Variants in SDK2 observed in about 807,000 individuals in gnomAD.
SDK2 encodes sidekick cell adhesion molecule 2, also known as protein sidekick-2.
SDK2 carries 105 observed loss-of-function variants against 253.9 expected under a neutral mutation model. The observed-to-expected ratio is 0.41, with a 90% CI of 0.35 to 0.49. The LOEUF (loss-of-function observed/expected upper bound fraction) is 0.49. SDK2 is among the 20% of genes least tolerant of loss of function. The pLI is 0.06. For missense variants in SDK2, 2,608 were observed against 3,003.0 expected, an observed-to-expected ratio of 0.87 and a Z score of 3.07; for synonymous variants, 1,249 against 1,234.9, an observed-to-expected ratio of 1.01 and a Z score of -0.24.
intron 1 of SDK2, among the ~76,000 whole-genome samples, chr17:73,635,538 CT>C (rs1384532836): frequency 6.6e-6 from 1 of 152,162 alleles, no homozygotes; most frequent in Non-Finnish European, 1.5e-5. Flanking sequence ...AGAGTCCTGG[CT>C]TTACGAGGCC....
At chr17:73,491,881 T>TG in intron 2 of SDK2, among the ~76,000 whole-genome samples, 1 of 152,162 alleles carries the variant, frequency 6.6e-6, no homozygotes, top group Non-Finnish European at 1.5e-5. Flanking sequence ...GTGTGGGCTT[T>TG]GGGGTAATGG....
chr17:73,465,097 C>T lies in SDK2; in HGVS notation c.331+7015G>A, dbSNP rs1015053964. 5.3e-5 allele frequency among the ~76,000 whole-genome samples: 8 copies of T among 152,080 alleles called. No homozygotes were observed. Among genetic ancestry groups the T allele is most frequent in the African/African-American group, 1.7e-4 (7 of 41,386 alleles). On this transcript the variant is annotated intron_variant, in intron 3 of 44. Transcript: ENST00000392650. This position sits in a 1 kb window ranked among gnomAD's most constrained non-coding sequence, Gnocchi z 4.2. ...ATGTTATCAGGAACTGTCACTTGGC[C>T]CCTAAGCATCCTGCATTCAATACCC...
intron 1 of SDK2, among the ~76,000 whole-genome samples, chr17:73,513,968 G>T (rs1327346193): frequency 6.6e-6 from 1 of 152,190 alleles, no homozygotes; most frequent in African/African-American, 2.4e-5. Flanking sequence ...CTTGAGGGAG[G>T]TCTGGGTGCC....
At chr17:73,441,196 C>G (rs894178727) in intron 5 of SDK2, among the ~76,000 whole-genome samples, 3 of 151,984 alleles carry the variant, frequency 2.0e-5, no homozygotes, top group African/African-American at 4.8e-5. Flanking sequence ...AGCCACACCC[C>G]CCTCTCCCCA....
In SDK2 at chr17:73,447,557, C is replaced by T. The variant is rs7224502; in HGVS notation, c.613+58G>A. ...ATCTTCCCAATGATCCCCTGGAGCA[C>T]CATTGCTAAGATTTAATGGCCCGCT... On this transcript the variant is annotated intron_variant, in intron 5 of 44. Coordinates refer to ENST00000392650, the MANE Select transcript of SDK2 (RefSeq NM_001144952.2). This position sits in a 1 kb window ranked among gnomAD's most constrained non-coding sequence, Gnocchi z 4.0. 0.23 allele frequency: 351,386 copies of T among 1,543,344 alleles called. 42,328 individuals are homozygous for T. Among genetic ancestry groups the T allele is most frequent in the African/African-American group, 0.36 (26,226 of 72,906 alleles).
chr17:73,402,097 C>A lies in SDK2; in HGVS notation c.2529G>T (p.Val843=). 1 of 1,614,036 alleles carries A rather than the reference C, an allele frequency of 6.2e-7. No individual in the cohort carries two copies. Among genetic ancestry groups the A allele is most frequent in the South Asian group, 1.1e-5 (1 of 91,082 alleles). The change falls in exon 19 of 45, where the codon GTG becomes GTT. Residue 843 remains valine, a synonymous_variant. Transcript: ENST00000392650. ...TGTCTTGAAAGTTAGGCCGGGCGGT[C>A]ACCATGGTAACCTCCTCTTCCTGTT... ...EPEQEEEVTM[V]TARPNFQDSI... is the part of the protein sequence containing the mutation.
chr17:73,351,978 C>T (rs761018384), intron 41 of SDK2, among the ~76,000 whole-genome samples: 5 of 151,718 alleles, frequency 3.3e-5, no homozygotes, highest in African/African-American at 9.7e-5. Context: ...GCCCTTTGTG[C>T]GCTCCAAGAC....
Position 73,435,671 on chromosome 17 carries a change from C to T in SDK2, c.1001-27G>A, listed in dbSNP as rs960897337. Reference sequence around the variant, plus strand: ...TGTGGGCAAGACGTGGGCCCACCGTCAACCTGCCTCCTGCCTCCTCTCCGC... The same window carrying T: ...TGTGGGCAAGACGTGGGCCCACCGTTAACCTGCCTCCTGCCTCCTCTCCGC... On this transcript the variant is annotated intron_variant, in intron 8 of 44. Transcript: ENST00000392650. The surrounding 1 kb of genome is among the most constrained non-coding windows in gnomAD (Gnocchi z 5.7). 4.6e-6 allele frequency: 7 copies of T among 1,520,048 alleles called. No homozygotes were observed. The highest frequency in any genetic ancestry group is 6.2e-6 in the Non-Finnish European group (7 of 1,128,994). 94.2% of individuals were successfully genotyped at this position (1,520,048 alleles called of 1,614,324 possible).
intron 33 of SDK2, among the ~76,000 whole-genome samples, chr17:73,382,988 C>T (rs1418706654): frequency 6.6e-6 from 1 of 152,190 alleles, no homozygotes; most frequent in African/African-American, 2.4e-5. Flanking sequence ...GAGATGGCAC[C>T]ATTACACTCC....
intron 18 of SDK2, among the ~76,000 whole-genome samples, chr17:73,407,075 T>A (rs1430702233): frequency 1.3e-5 from 2 of 152,186 alleles, no homozygotes; most frequent in African/African-American, 4.8e-5. Flanking sequence ...AGTGTGAGTA[T>A]CTATAGTATC....
chr17:73,363,147 G>A (rs1476874330), intron 38 of SDK2, among the ~76,000 whole-genome samples: 2 of 152,118 alleles, frequency 1.3e-5, no homozygotes, highest in East Asian at 1.9e-4. Context: ...GCAATGGCGC[G>A]ATCTCAGCTC....
chr17:73,588,785 G>A (rs148284776), intron 1 of SDK2, among the ~76,000 whole-genome samples: 103 of 152,362 alleles, frequency 6.8e-4, no homozygotes, highest in Middle Eastern at 3.4e-3. Flanking sequence ...GGGCCGGGGC[G>A]GCACAGTTCC....
intron 44 of SDK2, among the ~76,000 whole-genome samples, chr17:73,342,800 C>G (rs1452779729): frequency 6.6e-6 from 1 of 151,884 alleles, no homozygotes; most frequent in African/African-American, 2.4e-5. Context: ...CCTCAGTGTC[C>G]TTGTCTGTAA....
At chr17:73,362,609 G>A (rs1213755736) in intron 38 of SDK2, among the ~76,000 whole-genome samples, 2 of 151,570 alleles carry the variant, frequency 1.3e-5, no homozygotes, top group South Asian at 2.1e-4. Context: ...CAGGCTGGTC[G>A]CGAACTCCTG....
intron 1 of SDK2, among the ~76,000 whole-genome samples, chr17:73,590,795 G>GCT (rs2045670769): frequency 6.6e-6 from 1 of 152,252 alleles, no homozygotes; most frequent in South Asian, 2.1e-4. Context: ...AAGTGGCCAT[G>GCT]CTATGTAAAC....
At chr17:73,450,196 A>T (rs902853484) in intron 4 of SDK2, among the ~76,000 whole-genome samples, 3 of 152,292 alleles carry the variant, frequency 2.0e-5, no homozygotes, top group Non-Finnish European at 4.4e-5. Context: ...GAGCTCTGGA[A>T]TGGAGCTCTG....
chr17:73,458,674 C>T lies in SDK2; in HGVS notation c.332-2621G>A, dbSNP rs747851440. On this transcript the variant is annotated intron_variant, in intron 3 of 44. Coordinates refer to ENST00000392650, the MANE Select transcript of SDK2 (RefSeq NM_001144952.2). ...TTCTCCAAGGAGGGCCCTCCGTCAC[C>T]TCCTTGCCAAGCTCTCCTTGCATCC... 8.5e-4 allele frequency among the ~76,000 whole-genome samples: 130 copies of T among 152,168 alleles called. 1 individual carries two copies. The highest frequency in any genetic ancestry group is 1.1e-3 in the Admixed American group (17 of 15,276).
intron 6 of SDK2, among the ~76,000 whole-genome samples, chr17:73,438,426 C>T (rs975220172): frequency 2.0e-5 from 3 of 152,198 alleles, no homozygotes; most frequent in African/African-American, 7.2e-5. Flanking sequence ...TGGAACAGGG[C>T]CTGCTGATGG....
At chr17:73,522,500 G>T (rs1016118442) in intron 1 of SDK2, among the ~76,000 whole-genome samples, 1 of 152,240 alleles carries the variant, frequency 6.6e-6, no homozygotes, top group African/African-American at 2.4e-5. Context: ...ACCAGCTGGG[G>T]TTCTCTGCCG....
Sources: allele counts gnomAD v4.1 joint callset (sites outside exome capture counted in the v4.1 genomes callset), GRCh38; gene constraint gnomAD v4.1.1; non-coding constraint Gnocchi (gnomAD v3.1); transcripts MANE v1.5; gene names NCBI Gene and HGNC (gene_info 2026-07-23, HGNC 2026-07-21).